TENT2: variants seen among roughly 807,000 people sequenced by gnomAD.
TENT2 encodes the protein terminal nucleotidyltransferase 2.
A neutral mutation model predicts 72.2 loss-of-function variants in TENT2; 44 were observed. That is an observed-to-expected ratio of 0.61 (90% CI 0.48 to 0.78). TENT2 has a LOEUF of 0.78. Among genes scored for constraint, TENT2 ranks in the 30% least tolerant of loss-of-function variants. The pLI is 0.00. For missense variants in TENT2, 541 were observed against 569.6 expected (o/e 0.95, Z 0.51); for synonymous variants, 212 against 192.5 (o/e 1.10, Z -0.84).
intron 4 of TENT2, among the ~76,000 whole-genome samples, chr5:79,625,387 A>G (rs1019156533): frequency 3.3e-5 from 5 of 152,194 alleles, no homozygotes; most frequent in Admixed American, 6.6e-5. Flanking sequence ...CCTTTGAAGC[A>G]CAAAAACCTT....
intron 4 of TENT2, among the ~76,000 whole-genome samples, chr5:79,624,660 T>C (rs1767925355): frequency 6.6e-6 from 1 of 152,216 alleles, no homozygotes; most frequent in Non-Finnish European, 1.5e-5. Flanking sequence ...TCATTCAATA[T>C]GTGGCCTTCT....
intron 14 of TENT2, among the ~76,000 whole-genome samples, chr5:79,682,305 G>A (rs1018183377): frequency 3.9e-5 from 6 of 152,082 alleles, no homozygotes; most frequent in Non-Finnish European, 8.8e-5. Context: ...TTGAGACGGA[G>A]TTTCACTCTT....
Position 79,619,636 on chromosome 5 carries a change from A to G in TENT2, c.-13A>G. On this transcript the variant is annotated 5_prime_UTR_variant, in exon 2 of 15. Transcript: ENST00000453514. The stretch of plus-strand genomic sequence containing the variant: ...GGTAGAAGAATACATGTTCACTTCC[A>G]GTGAACAAGAGCATGTTCCCAAACT... The G allele has an allele frequency of 1.9e-6, 3 of 1,606,854 alleles. No individual in the cohort carries two copies. The highest frequency in any genetic ancestry group is 2.6e-6 in the Non-Finnish European group (3 of 1,174,632).
rs201639627 is a variant in TENT2 at position 79,649,071 on chromosome 5, G to A, written c.908G>A (p.Arg303Gln). Residue 303 changes from arginine (R) to glutamine (Q), a missense_variant, in exon 10 of 15, where the codon CGA (arginine) becomes CAA (glutamine). Arg to Gln is a conservative substitution (Grantham distance 43). Transcript: ENST00000453514. ...LLRTYAYLEN[R>Q]VRPLVLVIKK... ...TTAATTTTACTTTCAGTTGAAAATC[G>A]AGTTCGTCCGTTAGTGCTGGTGATT... 1.9e-6 allele frequency: 3 copies of A among 1,613,036 alleles called. No individual in the cohort carries two copies. The highest frequency in any genetic ancestry group is 1.7e-5 in the Admixed American group (1 of 59,848).
chr5:79,640,720 G>T, intron 4 of TENT2, 131 bp from the exon 5 acceptor site: 1 of 509,860 alleles, frequency 2.0e-6, no homozygotes. Flanking sequence ...CTTTGTTTTG[G>T]GAAATATTAA....
Position 79,670,189 on chromosome 5 carries a change from A to G in TENT2, c.1208+1161A>G, listed in dbSNP as rs200688936. On this transcript the variant is annotated intron_variant, in intron 12 of 14. Coordinates refer to ENST00000453514, the MANE Select transcript of TENT2 (RefSeq NM_001114394.3). ...AGCTGAGATTGTGCCATTGCACTCCAGCCTGGGCAACAAGAGCGAAACTCT... is the reference window on the plus strand; with the variant it reads ...AGCTGAGATTGTGCCATTGCACTCCGGCCTGGGCAACAAGAGCGAAACTCT... Among the ~76,000 whole-genome samples, 33 of 151,574 alleles carry G rather than the reference A, an allele frequency of 2.2e-4. No homozygotes were observed. In the East Asian group the frequency reaches 6.4e-3, roughly 30 times the overall value.
chr5:79,665,237 A>C (rs917995646), intron 11 of TENT2, among the ~76,000 whole-genome samples: 1 of 152,174 alleles, frequency 6.6e-6, no homozygotes, highest in African/African-American at 2.4e-5. Context: ...AATTCATATC[A>C]TTAGGAAATT....
rs745410681 is a variant in TENT2, at chr5:79,682,110, C to G, written c.1380+49C>G. ...CTAGAAACATTAGTAGACTAGTATG[C>G]TTTAAACAGGAAAAAATACGTGTGT... On this transcript the variant is annotated intron_variant, in intron 14 of 14. Transcript: ENST00000453514. The G allele has an allele frequency of 2.2e-6, 3 of 1,374,416 alleles. No homozygotes were observed. In the Admixed American group the frequency reaches 5.7e-5, roughly 26 times the overall value. The allele number at this position is 1,374,416 out of a possible 1,614,324, so 85.1% of individuals were successfully genotyped here. A position where few individuals can be genotyped will look rare whatever the true frequency, so the allele number is the denominator to read the frequency against.
At chr5:79,642,945 T>C in intron 7 of TENT2, 35 bp downstream of exon 7, 1 of 1,598,548 alleles carries the variant, frequency 6.3e-7, no homozygotes, top group Non-Finnish European at 8.5e-7. Flanking sequence ...GTATGTCACC[T>C]GACGTAACTT....
chr5:79,651,569 C>G (rs936633929), intron 10 of TENT2, among the ~76,000 whole-genome samples: 2 of 151,996 alleles, frequency 1.3e-5, no homozygotes, highest in African/African-American at 4.8e-5. Context: ...CTGATTGTTA[C>G]ACCCTTTCCA....
At chr5:79,682,302 G>A (rs1409160099) in intron 14 of TENT2, among the ~76,000 whole-genome samples, 2 of 151,906 alleles carry the variant, frequency 1.3e-5, no homozygotes, top group Non-Finnish European at 2.9e-5. Flanking sequence ...TTTTTGAGAC[G>A]GAGTTTCACT....
chr5:79,632,172 A>G (rs893253611), intron 4 of TENT2, among the ~76,000 whole-genome samples: 9 of 152,312 alleles, frequency 5.9e-5, no homozygotes, highest in African/African-American at 1.7e-4. Flanking sequence ...TAAGATTGGT[A>G]ATAATGAATT....
chr5:79,634,264 G>C (rs1165611952), intron 4 of TENT2, among the ~76,000 whole-genome samples: 3 of 151,714 alleles, frequency 2.0e-5, no homozygotes, highest in Non-Finnish European at 4.4e-5. Flanking sequence ...ATTTGACCTT[G>C]ACTTTGAGGA....
chr5:79,632,845 A>G (rs923537946), intron 4 of TENT2, among the ~76,000 whole-genome samples: 19 of 152,212 alleles, frequency 1.2e-4, no homozygotes, highest in African/African-American at 4.3e-4. Flanking sequence ...GAACTCAGAC[A>G]AAAGAGATCA....
At chr5:79,649,335 T>C in intron 10 of TENT2, 145 bp downstream of exon 10, 1 of 737,688 alleles carries the variant, frequency 1.4e-6, no homozygotes, top group Non-Finnish European at 2.1e-6. Flanking sequence ...TTTGTTGCTT[T>C]GGACAAATGT....
chr5:79,644,535 GATAT>G (rs1176638756), intron 7 of TENT2: 2 of 152,096 alleles, frequency 1.3e-5, no homozygotes, highest in East Asian at 1.9e-4. Flanking sequence ...TGTTGTATAT[GATAT>G]ATGTATGTAT....
At position 79,647,825 on chromosome 5, in the gene TENT2, G is replaced by A. The variant is rs6859704; in HGVS notation, c.822-792G>A. On this transcript the variant is annotated intron_variant, in intron 8 of 14. Transcript: ENST00000453514. ...TTTTATACATTGCATCATTATTGCC[G>A]TATTTTCTAAATTATGAACTGCATA... Among the ~76,000 whole-genome samples, 430 of 151,856 alleles carry A rather than the reference G, an allele frequency of 2.8e-3. 2 individuals are homozygous for A. Among genetic ancestry groups the A allele is most frequent in the South Asian group, 0.014 (68 of 4,818 alleles).
chr5:79,682,905 G>A (rs1203140914), intron 14 of TENT2, among the ~76,000 whole-genome samples: 2 of 152,126 alleles, frequency 1.3e-5, no homozygotes, highest in Non-Finnish European at 2.9e-5. Flanking sequence ...CTTGATATAT[G>A]TATTGAGACA....
rs76270076 is a variant in TENT2 at position 79,679,273 on chromosome 5, T to C, written c.1209-306T>C. Among the ~76,000 whole-genome samples the C allele has an allele frequency of 5.6e-3, 859 of 152,314 alleles. 10 individuals are homozygous for C. The highest frequency in any genetic ancestry group is 0.02 in the African/African-American group (828 of 41,572). On this transcript the variant is annotated intron_variant, in intron 12 of 14. Transcript: ENST00000453514. ...TGTGTTGAAAACCTGGTATGTACTATGCACCTAGGTGAAGAGTGAAAAAAA... is the reference window on the plus strand; with the variant it reads ...TGTGTTGAAAACCTGGTATGTACTACGCACCTAGGTGAAGAGTGAAAAAAA...
Sources: allele counts gnomAD v4.1 joint callset (sites outside exome capture counted in the v4.1 genomes callset), GRCh38; gene constraint gnomAD v4.1.1; transcripts MANE v1.5; gene names NCBI Gene and HGNC (gene_info 2026-07-23, HGNC 2026-07-21).